Variants in TENM2 observed in about 807,000 individuals in gnomAD.
TENM2 encodes teneurin transmembrane protein 2, also known as teneurin-2.
TENM2 carries 52 observed loss-of-function variants against 245.2 expected under a neutral mutation model. The observed-to-expected ratio is 0.21, with a 90% CI of 0.17 to 0.27. TENM2 has a LOEUF of 0.27. Among genes scored for constraint, TENM2 ranks in the 10% least tolerant of loss-of-function variants. The pLI, the probability that TENM2 is intolerant of heterozygous loss-of-function variation, is 1.00. For synonymous variants in TENM2, 1,363 were observed against 1,438.9 expected (o/e 0.95, Z 1.19); for missense variants, 3,046 against 3,666.8 (o/e 0.83, Z 4.37).
chr5:167,350,411 ATATGTGTG>A (rs1419360902), intron 1 of TENM2, among the ~76,000 whole-genome samples: 1 of 88,436 alleles, frequency 1.1e-5, no homozygotes, highest in East Asian at 3.0e-4. Context: ...ATATACATAT[ATATGTGTG>A]TGTGTGTGTG....
intron 2 of TENM2, among the ~76,000 whole-genome samples, chr5:167,504,679 C>A (rs1489091732): frequency 1.3e-5 from 2 of 152,162 alleles, no homozygotes; most frequent in Non-Finnish European, 2.9e-5. Flanking sequence ...CTTCACTGAA[C>A]TTTGTTATGT....
chr5:167,489,173 A>T (rs1171250301), intron 2 of TENM2, among the ~76,000 whole-genome samples: 6 of 152,162 alleles, frequency 3.9e-5, no homozygotes, highest in Admixed American at 3.9e-4. Flanking sequence ...CAATCCTTTT[A>T]AAAGATAAAT....
At chr5:167,549,067 G>GT (rs1231601436) in intron 2 of TENM2, among the ~76,000 whole-genome samples, 2 of 151,994 alleles carry the variant, frequency 1.3e-5, no homozygotes, top group East Asian at 3.9e-4. Flanking sequence ...CTTTCTAGAA[G>GT]TATCTATCGC....
At chr5:168,124,957 T>G in exon 11 of TENM2, 1 of 1,612,230 alleles carries the variant, frequency 6.2e-7, no homozygotes, top group Non-Finnish European at 8.5e-7. Context: ...GAGGGTCCAG[T>G]GCCCAGACCA....
intron 5 of TENM2, among the ~76,000 whole-genome samples, chr5:168,003,325 ACACACACACACACACACACACC>A (rs1784556190): frequency 7.3e-6 from 1 of 136,920 alleles, no homozygotes; most frequent in Non-Finnish European, 1.6e-5. Flanking sequence ...ACACACACAC[ACACACACACACACACACACACC>A]CCCAAAGCTG....
intron 2 of TENM2, among the ~76,000 whole-genome samples, chr5:167,446,654 T>G (rs1454122754): frequency 6.6e-6 from 1 of 151,402 alleles, no homozygotes; most frequent in Non-Finnish European, 1.5e-5. Flanking sequence ...CCTTCAAACA[T>G]GCAATAAAGT....
At chr5:167,276,113 T>A in the TENM2 span, among the ~76,000 whole-genome samples, 2 of 152,030 alleles carry the variant, frequency 1.3e-5, no homozygotes, top group Admixed American at 6.6e-5. Context: ...TCGTAAGGAT[T>A]TTTTGCATCT....
the TENM2 span, among the ~76,000 whole-genome samples, chr5:167,185,636 T>G: frequency 6.6e-6 from 1 of 152,134 alleles, no homozygotes; most frequent in South Asian, 2.1e-4. Flanking sequence ...TAGTCTTATA[T>G]AAACTTTATG....
the TENM2 span, among the ~76,000 whole-genome samples, chr5:167,125,120 A>G: frequency 4.0e-4 from 61 of 152,316 alleles, no homozygotes; most frequent in East Asian, 0.012. Context: ...GTGTTTAAAC[A>G]AGCCCCTTGA....
chr5:167,720,997 T>G (rs954806664), intron 2 of TENM2, among the ~76,000 whole-genome samples: 4 of 152,214 alleles, frequency 2.6e-5, no homozygotes, highest in Admixed American at 2.6e-4. Flanking sequence ...GAAATAGGCA[T>G]GTGTATTTAG....
intron 2 of TENM2, among the ~76,000 whole-genome samples, chr5:167,483,854 A>G (rs1767906995): frequency 6.6e-6 from 1 of 152,232 alleles, no homozygotes; most frequent in Non-Finnish European, 1.5e-5. Context: ...TAAATTGAAT[A>G]CAAAAGCTCC....
chr5:167,775,644 T>G (rs1763714191), intron 2 of TENM2, among the ~76,000 whole-genome samples: 1 of 152,164 alleles, frequency 6.6e-6, no homozygotes, highest in African/African-American at 2.4e-5. Context: ...AAACATTTTC[T>G]GAGTACCTAC....
At chr5:167,052,421 C>T in the TENM2 span, among the ~76,000 whole-genome samples, 90,840 of 151,938 alleles carry the variant, frequency 0.6, 29,655 homozygotes, top group African/African-American at 0.88. Flanking sequence ...TATGGGTACT[C>T]AATTATGCTC....
At chr5:167,948,377 A>C (rs1779807494) in intron 3 of TENM2, among the ~76,000 whole-genome samples, 1 of 152,266 alleles carries the variant, frequency 6.6e-6, no homozygotes, top group Non-Finnish European at 1.5e-5. Context: ...CTAAAAGCGC[A>C]GAAGCACAGA....
intron 2 of TENM2, among the ~76,000 whole-genome samples, chr5:167,800,106 G>T (rs371585678): frequency 6.6e-6 from 1 of 152,210 alleles, no homozygotes; most frequent in African/African-American, 2.4e-5. Flanking sequence ...TAACAAATCT[G>T]GCTGGACAAT....
At chr5:167,772,194 C>G (rs79972546) in intron 2 of TENM2, among the ~76,000 whole-genome samples, 1 of 152,020 alleles carries the variant, frequency 6.6e-6, no homozygotes, top group African/African-American at 2.4e-5. Flanking sequence ...ATATGTGTTC[C>G]CTGGAATTTA....
chr5:168,065,675 A>G (rs973353962), intron 7 of TENM2, among the ~76,000 whole-genome samples: 5 of 152,140 alleles, frequency 3.3e-5, no homozygotes, highest in South Asian at 4.1e-4. Context: ...AGAAAAAACT[A>G]CATTTCATTG....
At chr5:167,181,138 A>C in the TENM2 span, among the ~76,000 whole-genome samples, 25 of 152,000 alleles carry the variant, frequency 1.6e-4, no homozygotes, top group Non-Finnish European at 1.5e-4. Flanking sequence ...ATACTTGCGC[A>C]ATGATTTTCC....
intron 2 of TENM2, among the ~76,000 whole-genome samples, chr5:167,676,926 G>T (rs1561662633): frequency 6.6e-6 from 1 of 152,086 alleles, no homozygotes; most frequent in Non-Finnish European, 1.5e-5. Context: ...TATGAGGACA[G>T]TGCACCTGAA....
Sources: gnomAD v4.1 joint callset for allele counts (sites outside exome capture counted in the v4.1 genomes callset) on GRCh38, gnomAD v4.1.1 for gene constraint, MANE v1.5 for transcripts, NCBI Gene and HGNC (gene_info 2026-07-23, HGNC 2026-07-21) for gene names.